Variants in PRIM2 observed in about 807,000 individuals in gnomAD.
PRIM2 encodes DNA primase subunit 2.
PRIM2 carries 39 observed loss-of-function variants against 67.3 expected under a neutral mutation model. The observed-to-expected ratio is 0.58, with a 90% CI of 0.45 to 0.76. The LOEUF is 0.76. Among genes scored for constraint, PRIM2 ranks in the 30% least tolerant of loss-of-function variants. The pLI is 0.00. For missense variants in PRIM2, 398 were observed against 598.7 expected (o/e 0.66, Z 3.50); for synonymous variants, 143 against 198.7 (o/e 0.72, Z 2.36).
intron 7 of PRIM2, among the ~76,000 whole-genome samples, chr6:57,405,385 C>T (rs1419424444): frequency 1.8e-4 from 26 of 147,100 alleles, no homozygotes; most frequent in African/African-American, 6.4e-4. Flanking sequence ...TATGTATATG[C>T]CTTTGAGTTT....
At chr6:57,430,447 G>GTTTTTTTTTTTTT (rs71687266) in intron 7 of PRIM2, among the ~76,000 whole-genome samples, 112 of 78,156 alleles carry the variant, frequency 1.4e-3, no homozygotes, top group East Asian at 2.3e-3. Context: ...TTCTTTCTTT[G>GTTTTTTTTTTTTT]TTTTTTTTTT....
chr6:57,452,268 G>A (rs1317830094), intron 7 of PRIM2, among the ~76,000 whole-genome samples: 1 of 152,154 alleles, frequency 6.6e-6, no homozygotes, highest in Non-Finnish European at 1.5e-5. Context: ...CTTTATAGCA[G>A]CATTATTTAT....
the PRIM2 span, among the ~76,000 whole-genome samples, chr6:57,294,787 T>C: frequency 2.0e-5 from 3 of 151,830 alleles, no homozygotes; most frequent in African/African-American, 4.8e-5. Context: ...AGTGATATAA[T>C]ATTGCCATTT....
chr6:57,308,033 A>G, the PRIM2 span, among the ~76,000 whole-genome samples: 1 of 152,180 alleles, frequency 6.6e-6, no homozygotes, highest in East Asian at 1.9e-4. Context: ...CCATGTCGAT[A>G]TGCTTACTGT....
chr6:57,369,096 TA>T (rs1769462366), intron 5 of PRIM2, among the ~76,000 whole-genome samples: 1 of 152,142 alleles, frequency 6.6e-6, no homozygotes, highest in Non-Finnish European at 1.5e-5. Flanking sequence ...GTTCAGCAGG[TA>T]GGGGGTGTAT....
chr6:57,225,532 A>T, the PRIM2 span, among the ~76,000 whole-genome samples: 3 of 152,262 alleles, frequency 2.0e-5, no homozygotes, highest in African/African-American at 4.8e-5. Flanking sequence ...CAGTGACTAG[A>T]AATGAGTTTC....
chr6:57,359,836 G>A (rs1228311676), intron 5 of PRIM2, among the ~76,000 whole-genome samples: 1 of 152,218 alleles, frequency 6.6e-6, no homozygotes, highest in East Asian at 1.9e-4. Flanking sequence ...TGGGAAAATT[G>A]TTGATAAATG....
In PRIM2 at chr6:57,476,705, A is replaced by ATATTGTGTAG. The variant is rs1198805063; in HGVS notation, c.694-30678_694-30669dup. Among the ~76,000 whole-genome samples the ATATTGTGTAG allele has an allele frequency of 6.6e-5, 10 of 152,252 alleles. No individual in the cohort carries two copies. The East Asian group carries it at 1.3e-3, about 21-fold the overall frequency. On this transcript the variant is annotated intron_variant, in intron 7 of 13. Coordinates refer to ENST00000615550, the MANE Select transcript of PRIM2 (RefSeq NM_000947.5). Reference sequence around the variant, plus strand: ...AGGCCACCCTGACTCATTGGTTATAATATTGTGTAGTATAAGTAATTGCAT... The same window carrying ATATTGTGTAG: ...AGGCCACCCTGACTCATTGGTTATAATATTGTGTAGTATTGTGTAGTATAAGTAATTGCAT...
intron 12 of PRIM2, among the ~76,000 whole-genome samples, chr6:57,626,974 T>G (rs1198456710): frequency 1.3e-5 from 2 of 151,674 alleles, no homozygotes; most frequent in East Asian, 2.0e-4. Context: ...ATTCAACTGA[T>G]AGAGAATAGT....
Position 57,382,752 on chromosome 6 carries a change from A to G in PRIM2, c.693+584A>G, listed in dbSNP as rs2397247. 2.6e-5 allele frequency: 4 copies of G among 152,278 alleles called. No homozygotes were observed. The East Asian group carries it at 7.7e-4, about 29-fold the overall frequency. 9.4% of individuals were successfully genotyped at this position (152,278 alleles called of 1,614,324 possible). ...ATACACATTTTTATATGTAAAACAC[A>G]TATTTTACAGTTGTTGTCTCTTAAT... On this transcript the variant is annotated intron_variant, in intron 7 of 13. Coordinates refer to ENST00000615550, the MANE Select transcript of PRIM2 (RefSeq NM_000947.5).
chr6:57,514,791 G>A (rs1451356981), intron 8 of PRIM2, among the ~76,000 whole-genome samples: 18 of 152,126 alleles, frequency 1.2e-4, no homozygotes, highest in African/African-American at 4.1e-4. Context: ...ACTAATAGAT[G>A]TGGTCCCTTA....
intron 13 of PRIM2, among the ~76,000 whole-genome samples, chr6:57,640,860 C>T (rs1421295368): frequency 6.6e-6 from 1 of 151,270 alleles, no homozygotes; most frequent in Non-Finnish European, 1.5e-5. Flanking sequence ...ACTTTCTGCG[C>T]AGAATTAGAA....
chr6:57,421,608 T>C (rs534635678), intron 7 of PRIM2, among the ~76,000 whole-genome samples: 5 of 152,336 alleles, frequency 3.3e-5, no homozygotes, highest in African/African-American at 1.2e-4. Context: ...ATGATCATTG[T>C]TAACAGTTTG....
At chr6:57,271,245 A>C in the PRIM2 span, among the ~76,000 whole-genome samples, 1 of 152,170 alleles carries the variant, frequency 6.6e-6, no homozygotes, top group African/African-American at 2.4e-5. Flanking sequence ...TCGGCTGTGA[A>C]TCCATCTGGT....
At chr6:57,251,036 C>A in the PRIM2 span, among the ~76,000 whole-genome samples, 9 of 152,120 alleles carry the variant, frequency 5.9e-5, no homozygotes, top group Non-Finnish European at 1.0e-4. Flanking sequence ...GGATACTCAA[C>A]CTGTAGTTGT....
chr6:57,310,875 G>A (rs1165299914), upstream of PRIM2, among the ~76,000 whole-genome samples: 8 of 150,328 alleles, frequency 5.3e-5, no homozygotes, highest in Non-Finnish European at 1.2e-4. Flanking sequence ...GCTGGGCAGA[G>A]GCGCTCCTCA....
intron 7 of PRIM2, among the ~76,000 whole-genome samples, chr6:57,441,975 T>C (rs1001980201): frequency 6.6e-6 from 1 of 151,884 alleles, no homozygotes; most frequent in Non-Finnish European, 1.5e-5. Context: ...TATTTTCTGA[T>C]ATAAGCAGGA....
the PRIM2 span, among the ~76,000 whole-genome samples, chr6:57,278,183 C>T: frequency 1.3e-4 from 19 of 151,658 alleles, no homozygotes; most frequent in Middle Eastern, 3.4e-3. Context: ...AAAAATTAGC[C>T]GGGTGTGGTA....
At chr6:57,240,567 C>T in the PRIM2 span, among the ~76,000 whole-genome samples, 50 of 152,112 alleles carry the variant, frequency 3.3e-4, no homozygotes, top group African/African-American at 1.1e-3. Flanking sequence ...AAACAGGAGA[C>T]CAGCACAGGT....
Sources: gnomAD v4.1 joint callset for allele counts (sites outside exome capture counted in the v4.1 genomes callset) on GRCh38, gnomAD v4.1.1 for gene constraint, MANE v1.5 for transcripts, NCBI Gene and HGNC (gene_info 2026-07-23, HGNC 2026-07-21) for gene names.